The following STAB2 variants were observed in gnomAD, a reference collection of about 807,000 sequenced individuals.
STAB2 encodes stabilin 2, also known as stabilin-2.
Under a neutral mutation model 338.1 loss-of-function variants are expected in STAB2, and 288 were observed. The ratio of observed to expected loss-of-function variants is 0.85; its 90% confidence interval spans 0.77 to 0.94. The LOEUF is 0.94. Among genes scored for constraint, STAB2 ranks in the 40% least tolerant of loss-of-function variants. The pLI is 0.00. For synonymous variants in STAB2, 1,202 were observed against 1,193.3 expected (o/e 1.01, Z -0.15); for missense variants, 3,141 against 3,210.1 (o/e 0.98, Z 0.52).
At position 103,692,120 on chromosome 12, in the gene STAB2, G is replaced by A. The variant is rs577326366; in HGVS notation, c.3298-692G>A. Among the ~76,000 whole-genome samples, 20 of 152,362 alleles carry A rather than the reference G, an allele frequency of 1.3e-4. No individual in the cohort carries two copies. In the South Asian group the frequency reaches 4.1e-3, roughly 32 times the overall value. ...AAGGCCAGAAGTCCAAGATCAAGAT[G>A]TGGGCAGGATTGGTTCCTTCTAAGG... On this transcript the variant is annotated intron_variant, in intron 30 of 68. Coordinates refer to ENST00000388887, the MANE Select transcript of STAB2 (RefSeq NM_017564.10).
chr12:103,615,070 C>T (rs1410164579), intron 3 of STAB2, among the ~76,000 whole-genome samples: 1 of 152,182 alleles, frequency 6.6e-6, no homozygotes, highest in African/African-American at 2.4e-5. Flanking sequence ...GGAAGGGGCA[C>T]CTTCAATTTA....
intron 50 of STAB2, 79 bp downstream of exon 50, chr12:103,731,714 G>A: frequency 6.7e-7 from 1 of 1,481,984 alleles, no homozygotes; most frequent in Non-Finnish European, 9.2e-7. Context: ...TGTTGTTTCT[G>A]TTTTGTTTTG....
chr12:103,689,741 C>A, intron 28 of STAB2, 105 bp from the exon 29 acceptor site: 2 of 1,449,086 alleles, frequency 1.4e-6, no homozygotes, highest in Non-Finnish European at 9.3e-7. Flanking sequence ...ACCCTAGGAC[C>A]CTTCCAGTAT....
intron 38 of STAB2, among the ~76,000 whole-genome samples, chr12:103,708,048 A>ACAAACCCAGTGT (rs2138987842): frequency 6.6e-6 from 1 of 152,308 alleles, no homozygotes; most frequent in Non-Finnish European, 1.5e-5. Flanking sequence ...CCAGGCTTAT[A>ACAAACCCAGTGT]CAAACCCAGT....
chr12:103,627,628 G>T (rs1957400371), intron 5 of STAB2, among the ~76,000 whole-genome samples: 2 of 152,220 alleles, frequency 1.3e-5, no homozygotes, highest in Admixed American at 1.3e-4. Flanking sequence ...AGTGTCAGAG[G>T]CTTCCAAAAG....
intron 9 of STAB2, among the ~76,000 whole-genome samples, chr12:103,645,985 C>T (rs1873299873): frequency 6.6e-6 from 1 of 152,154 alleles, no homozygotes; most frequent in African/African-American, 2.4e-5. Flanking sequence ...GTTTGTCCAG[C>T]TAGAAAACTC....
intron 26 of STAB2, among the ~76,000 whole-genome samples, chr12:103,684,321 T>C (rs1216137606): frequency 6.6e-6 from 1 of 152,036 alleles, no homozygotes; most frequent in East Asian, 1.9e-4. Context: ...GGCCAAGAAG[T>C]GGGGTTGTTA....
At chr12:103,736,269 G>A (rs1382990440) in intron 52 of STAB2, among the ~76,000 whole-genome samples, 1 of 152,122 alleles carries the variant, frequency 6.6e-6, no homozygotes, top group Non-Finnish European at 1.5e-5. Context: ...ATGGTTGCTG[G>A]AGCTCCAGGC....
rs777136544 is a variant in STAB2 at position 103,737,719 on chromosome 12, G to C, written c.5636G>C (p.Cys1879Ser). 6.2e-7 allele frequency: 1 copy of C among 1,612,394 alleles called. No homozygotes were observed. Among genetic ancestry groups the C allele is most frequent in the Non-Finnish European group, 8.5e-7 (1 of 1,179,498 alleles). Reference sequence around the variant, plus strand: ...CTGGGTGTGGCCTACGGCATTGACTGTCTGCTGATTGATCCCACCCTGGGG... The same window carrying C: ...CTGGGTGTGGCCTACGGCATTGACTCTCTGCTGATTGATCCCACCCTGGGG... ...FDLGVAYGID[C>S]LLIDPTLGGR... The change falls in exon 53 of 69, where the codon TGT becomes TCT. Residue 1879 changes from cysteine (C) to serine (S), a missense_variant. Coordinates refer to ENST00000388887, the MANE Select transcript of STAB2 (RefSeq NM_017564.10).
chr12:103,669,478 C>T, intron 20 of STAB2, 63 bp from the exon 21 acceptor site: 1 of 1,352,146 alleles, frequency 7.4e-7, no homozygotes, highest in Non-Finnish European at 1.1e-6. Context: ...TAAAATGCAT[C>T]CCCTTTGAGG....
intron 24 of STAB2, among the ~76,000 whole-genome samples, 186 bp downstream of exon 24, chr12:103,676,207 ACG>A (rs1441465330): frequency 6.6e-6 from 1 of 151,846 alleles, no homozygotes; most frequent in Non-Finnish European, 1.5e-5. Flanking sequence ...GATTACAGGC[ACG>A]TGCCACCACC....
Position 103,766,468 on chromosome 12 carries a change from T to C in STAB2, c.*132T>C, listed in dbSNP as rs1435981650. On this transcript the variant is annotated 3_prime_UTR_variant, in exon 69 of 69. Coordinates refer to ENST00000388887, the MANE Select transcript of STAB2 (RefSeq NM_017564.10). Reference sequence around the variant, plus strand: ...AGAAGCCATACCTCATCTCTCTGGCTGATCTGGGGGTTGTTTCTGTGGGTG... The same window carrying C: ...AGAAGCCATACCTCATCTCTCTGGCCGATCTGGGGGTTGTTTCTGTGGGTG... 8 of 1,053,136 alleles carry C rather than the reference T, an allele frequency of 7.6e-6. No homozygotes were observed. The highest frequency in any genetic ancestry group is 5.1e-5 in the East Asian group (2 of 38,848). 65.2% of individuals were successfully genotyped at this position (1,053,136 alleles called of 1,614,324 possible). A position where few individuals can be genotyped will look rare whatever the true frequency, so the allele number is the denominator to read the frequency against.
rs1946820 is a variant in STAB2, at chr12:103,735,693, G to T, written c.5550+113G>T. 13 of 870,788 alleles carry T rather than the reference G, an allele frequency of 1.5e-5. No homozygotes were observed. In the East Asian group the frequency reaches 2.6e-4, roughly 17 times the overall value. 53.9% of individuals were successfully genotyped at this position (870,788 alleles called of 1,614,324 possible). ...TCATTTTTTCCCCTCCATTCATAGC[G>T]GGCTCATTTTTTTTCTCACTACCTT... On this transcript the variant is annotated intron_variant, in intron 52 of 68. Transcript: ENST00000388887.
chr12:103,674,128 T>G, intron 23 of STAB2, 41 bp downstream of exon 23: 1 of 1,585,022 alleles, frequency 6.3e-7, no homozygotes, highest in East Asian at 2.3e-5. Flanking sequence ...CGCTGAGTCA[T>G]TAAGTGTAAG....
chr12:103,658,689 G>GGCC (rs1223613292), intron 15 of STAB2, among the ~76,000 whole-genome samples: 1 of 152,034 alleles, frequency 6.6e-6, no homozygotes, highest in Non-Finnish European at 1.5e-5. Flanking sequence ...TGTTCCTGAA[G>GGCC]GCCAGCTCAG....
chr12:103,647,831 C>T (rs532567414), intron 9 of STAB2, among the ~76,000 whole-genome samples: 3 of 152,316 alleles, frequency 2.0e-5, no homozygotes, highest in South Asian at 2.1e-4. Flanking sequence ...AACTATTGTA[C>T]AAAATCTCTG....
intron 15 of STAB2, among the ~76,000 whole-genome samples, chr12:103,657,226 TA>T (rs140834161): frequency 0.66 from 76,591 of 116,116 alleles, 24,084 homozygotes; most frequent in Non-Finnish European, 0.68. Flanking sequence ...TAAAGTGAGC[TA>T]AAAAAAAAAA....
At position 103,596,952 on chromosome 12, in the gene STAB2, CAAAAAAAAAAAAAAAA is replaced by C. The variant is rs35439238; in HGVS notation, c.331+2453_331+2468del. ...TGGGTAATAGAGTGAGACCCTATCT[CAAAAAAAAAAAAAAAA>C]AAAAAAAAAAGAGTCCAAAAGGGCT... On this transcript the variant is annotated intron_variant, in intron 3 of 68. Coordinates refer to ENST00000388887, the MANE Select transcript of STAB2 (RefSeq NM_017564.10). Among the ~76,000 whole-genome samples, 57 of 64,502 alleles carry C rather than the reference CAAAAAAAAAAAAAAAA, an allele frequency of 8.8e-4. No individual in the cohort carries two copies. In the East Asian group the frequency reaches 0.024, roughly 27 times the overall value. 42.3% of individuals were successfully genotyped at this position (64,502 alleles called of 152,430 possible).
Position 103,712,386 on chromosome 12 carries a change from G to T in STAB2, c.4354G>T (p.Gly1452Cys). ...TTGCAGCTGCCTCACCAACTCAGAT[G>T]GTACAGCTTCATGCAAGTGTGCAGC... is the stretch of plus-strand genomic sequence containing the variant. ...TSANCLTNSD[G>C]TASCKCAAGF... The change falls in exon 41 of 69, where the codon GGT (glycine) becomes TGT (cysteine). Residue 1452 changes from glycine to cysteine, a missense_variant. Coordinates refer to ENST00000388887, the MANE Select transcript of STAB2 (RefSeq NM_017564.10). The T allele has an allele frequency of 6.2e-7, 1 of 1,614,048 alleles. No individual in the cohort carries two copies. Among genetic ancestry groups the T allele is most frequent in the Non-Finnish European group, 8.5e-7 (1 of 1,179,920 alleles).
Sources: allele counts gnomAD v4.1 joint callset (sites outside exome capture counted in the v4.1 genomes callset), GRCh38; gene constraint gnomAD v4.1.1; transcripts MANE v1.5; gene names NCBI Gene and HGNC (gene_info 2026-07-23, HGNC 2026-07-21).